SEMA5A: variants seen among roughly 807,000 people sequenced by gnomAD.
The protein encoded by SEMA5A is semaphorin-5A.
SEMA5A carries 55 observed loss-of-function variants against 135.5 expected under a neutral mutation model. That is an observed-to-expected ratio of 0.41 (90% CI 0.33 to 0.51). The LOEUF (loss-of-function observed/expected upper bound fraction) is 0.51, where lower values mean the gene tolerates loss of function less well. SEMA5A is among the 20% of genes least tolerant of loss of function. The pLI is 0.37. For missense variants in SEMA5A, 1,290 were observed against 1,419.9 expected (o/e 0.91, Z 1.47); for synonymous variants, 580 against 546.5 (o/e 1.06, Z -0.85).
chr5:9,100,440 G>C (rs1289384766), intron 16 of SEMA5A, among the ~76,000 whole-genome samples: 4 of 152,140 alleles, frequency 2.6e-5, no homozygotes, highest in Non-Finnish European at 4.4e-5. Context: ...CTGGGTTAGT[G>C]AAAGTGCAGC....
chr5:9,287,683 T>G (rs1213719086), intron 5 of SEMA5A, among the ~76,000 whole-genome samples: 1 of 152,224 alleles, frequency 6.6e-6, no homozygotes, highest in Non-Finnish European at 1.5e-5. Flanking sequence ...TTATTAAAAC[T>G]CAGCCATCCA....
chr5:9,093,082 A>G (rs253636), intron 16 of SEMA5A, among the ~76,000 whole-genome samples: 1 of 152,010 alleles, frequency 6.6e-6, no homozygotes, highest in South Asian at 2.1e-4. Context: ...GAAACATTAA[A>G]CTTAAAATTG....
At chr5:9,079,554 C>G (rs1561131515) in intron 16 of SEMA5A, among the ~76,000 whole-genome samples, 1 of 151,630 alleles carries the variant, frequency 6.6e-6, no homozygotes, top group Admixed American at 6.6e-5. Flanking sequence ...CAAGAAATAA[C>G]AAAGAAAGAG....
chr5:9,052,859 AAGGTATTTT>A (rs1268165406), intron 19 of SEMA5A, among the ~76,000 whole-genome samples: 1 of 152,228 alleles, frequency 6.6e-6, no homozygotes, highest in African/African-American at 2.4e-5. Context: ...TCAGGATAAA[AAGGTATTTT>A]TCTATGCAGT....
chr5:9,190,327 C>G lies in SEMA5A; in HGVS notation c.1213G>C (p.Val405Leu). 1 of 1,614,088 alleles carries G rather than the reference C, an allele frequency of 6.2e-7. No individual in the cohort carries two copies. Among genetic ancestry groups the G allele is most frequent in the African/African-American group, 1.3e-5 (1 of 75,022 alleles). ...FMEDNSRFSH[V>L]AVDVVQGREA... ...CTGCCCTGCACCACGTCGACTGCCACGTGGGAAAAGCGGCTATTGTCCTCC... is the reference window on the plus strand; with the variant it reads ...CTGCCCTGCACCACGTCGACTGCCAGGTGGGAAAAGCGGCTATTGTCCTCC... The change falls in exon 11 of 23, where the codon GTG becomes CTG. Residue 405 changes from valine to leucine, a missense_variant. Physicochemically the swap from Val to Leu is conservative, Grantham distance 32. This residue lies in a region of SEMA5A where 1,029 missense variants were observed against 1,086.6 expected (regional missense o/e 0.95). Coordinates refer to ENST00000382496, the MANE Select transcript of SEMA5A (RefSeq NM_003966.3).
At chr5:9,354,826 T>C (rs1216189288) in intron 3 of SEMA5A, among the ~76,000 whole-genome samples, 1 of 152,052 alleles carries the variant, frequency 6.6e-6, no homozygotes, top group Non-Finnish European at 1.5e-5. Flanking sequence ...GAGACTGGAA[T>C]GACAAGAAAA....
intron 2 of SEMA5A, 66 bp from the exon 3 acceptor site, chr5:9,380,089 T>C (rs1755532137): frequency 9.7e-7 from 1 of 1,035,002 alleles, no homozygotes; most frequent in Non-Finnish European, 1.4e-6. Flanking sequence ...GGTCTTCTGG[T>C]AAAACTTCCT....
chr5:9,129,050 G>A (rs1285508800), intron 13 of SEMA5A, among the ~76,000 whole-genome samples: 2 of 152,200 alleles, frequency 1.3e-5, no homozygotes, highest in East Asian at 1.9e-4. Flanking sequence ...GGCCTAGCAT[G>A]AATTAGTAGG....
intron 3 of SEMA5A, among the ~76,000 whole-genome samples, chr5:9,357,394 T>A (rs1316226012): frequency 6.6e-6 from 1 of 152,214 alleles, no homozygotes; most frequent in Non-Finnish European, 1.5e-5. Context: ...ATGGTCAGTA[T>A]AATAATGCTG....
chr5:9,131,587 G>A (rs184102599), intron 13 of SEMA5A, among the ~76,000 whole-genome samples: 76 of 115,976 alleles, frequency 6.6e-4, no homozygotes, highest in African/African-American at 9.6e-4. Flanking sequence ...CAGCCTGGGC[G>A]ACAGAGCGAG....
intron 16 of SEMA5A, among the ~76,000 whole-genome samples, chr5:9,104,951 G>A (rs554855783): frequency 3.9e-5 from 6 of 152,198 alleles, no homozygotes; most frequent in East Asian, 1.9e-4. Context: ...CAATCAGCTG[G>A]ACACATGTGC....
intron 1 of SEMA5A, among the ~76,000 whole-genome samples, chr5:9,442,182 G>A (rs1261174196): frequency 1.3e-5 from 2 of 152,202 alleles, no homozygotes; most frequent in Admixed American, 6.5e-5. Flanking sequence ...TTTTGGGGGG[G>A]CTTTAGGCCA....
rs562869503 is a variant in SEMA5A at position 9,124,039 on chromosome 5, G to C, written c.1600-1202C>G. Among the ~76,000 whole-genome samples, 16 of 152,286 alleles carry C rather than the reference G, an allele frequency of 1.1e-4. No homozygotes were observed. In the East Asian group the frequency reaches 3.1e-3, roughly 30 times the overall value. On this transcript the variant is annotated intron_variant, in intron 13 of 22. Coordinates refer to ENST00000382496, the MANE Select transcript of SEMA5A (RefSeq NM_003966.3). ...GCAAGGATGAAGGCAGAGGAATGAG[G>C]CTGCCAAATGCAAAGGGCACATGGG... is the stretch of plus-strand genomic sequence containing the variant.
rs773686760 is a variant in SEMA5A, at chr5:9,044,581, A to T, written c.2897T>A (p.Phe966Tyr). The change falls in exon 22 of 23, where the codon TTC (phenylalanine) becomes TAC (tyrosine). Residue 966 changes from phenylalanine (F) to tyrosine (Y), a missense_variant. This residue lies in a region of SEMA5A where 1,029 missense variants were observed against 1,086.6 expected (regional missense o/e 0.95). Coordinates refer to ENST00000382496, the MANE Select transcript of SEMA5A (RefSeq NM_003966.3). The stretch of plus-strand genomic sequence containing the variant: ...CACGGCGATCATGTGGAACATGTTG[A>T]ACTCTAGGGAGACATGAGCAAAGTG... The part of the protein sequence containing the change: ...SSVEEKRCGE[F>Y]NMFHMIAVGL... 3.7e-6 allele frequency: 6 copies of T among 1,613,686 alleles called. No homozygotes were observed. In the African/African-American group the frequency reaches 6.7e-5, roughly 18 times the overall value.
At chr5:9,102,417 C>T (rs141210470) in intron 16 of SEMA5A, among the ~76,000 whole-genome samples, 6 of 152,206 alleles carry the variant, frequency 3.9e-5, no homozygotes, top group East Asian at 3.9e-4. Context: ...CCATGGAACA[C>T]GAAGATGCTG....
At chr5:9,244,875 A>G (rs1748404366) in intron 5 of SEMA5A, among the ~76,000 whole-genome samples, 1 of 152,122 alleles carries the variant, frequency 6.6e-6, no homozygotes, top group Non-Finnish European at 1.5e-5. Context: ...CCACACTTCA[A>G]TTTGCCCTGA....
intron 8 of SEMA5A, among the ~76,000 whole-genome samples, chr5:9,213,528 T>C (rs1057015772): frequency 3.3e-5 from 5 of 152,156 alleles, no homozygotes; most frequent in Admixed American, 2.0e-4. Context: ...TCAAAAAAGA[T>C]GGGACAGTTG....
chr5:9,513,694 T>C (rs2126852819), intron 1 of SEMA5A, among the ~76,000 whole-genome samples: 1 of 152,332 alleles, frequency 6.6e-6, no homozygotes, highest in Middle Eastern at 3.4e-3. Context: ...TTCTGAAGCC[T>C]TTCCTAACAA....
chr5:9,318,840 C>A (rs1038392203), intron 4 of SEMA5A, among the ~76,000 whole-genome samples: 3 of 152,162 alleles, frequency 2.0e-5, no homozygotes, highest in Non-Finnish European at 4.4e-5. Flanking sequence ...TGAATTCAAG[C>A]AATGCTCTGA....
Sources: gnomAD v4.1 joint callset for allele counts (sites outside exome capture counted in the v4.1 genomes callset) on GRCh38, gnomAD v4.1.1 for gene constraint, gnomAD v4.1.1 regional missense constraint, MANE v1.5 for transcripts, NCBI Gene and HGNC (gene_info 2026-07-23, HGNC 2026-07-21) for gene names.